NMRK1: variants seen among roughly 807,000 people sequenced by gnomAD.
NMRK1 encodes NRK 1.
A neutral mutation model predicts 29.9 loss-of-function variants in NMRK1; 28 were observed. The observed-to-expected ratio is 0.94, with a 90% confidence interval of 0.69 to 1.28. The LOEUF (loss-of-function observed/expected upper bound fraction) is 1.28, where lower values mean the gene tolerates loss of function less well. Among genes scored for constraint, NMRK1 ranks in the 50% most tolerant of loss-of-function variants. The pLI, the probability that NMRK1 is intolerant of heterozygous loss-of-function variation, is 0.00. For synonymous variants in NMRK1, 58 were observed against 73.0 expected, an observed-to-expected ratio of 0.79 and a Z score of 1.05; for missense variants, 218 against 233.1, an observed-to-expected ratio of 0.94 and a Z score of 0.42.
At chr9:75,067,443 G>T (rs1179325987) in intron 7 of NMRK1, among the ~76,000 whole-genome samples, 1 of 152,158 alleles carries the variant, frequency 6.6e-6, no homozygotes, top group East Asian at 1.9e-4. Context: ...GTTAAAGGAA[G>T]GAAAGGGCCT....
chr9:75,069,406 T>C, intron 6 of NMRK1: 1 of 468,000 alleles, frequency 2.1e-6, no homozygotes, highest in South Asian at 3.0e-5. Flanking sequence ...ACCACTATGT[T>C]GGATTAAGCT....
Position 75,077,515 on chromosome 9 carries a change from AC to A in NMRK1, c.94del (p.Val32SerfsTer14), listed in dbSNP as rs1824067031. ...NLQKHLPNCS[V>X]ISQDDFFKPE... ...CTTGAAGAAATCATCCTGAGATATGACACTGCAATTTGGGAGGTGTTTCTGC... is the reference window on the plus strand; with the variant it reads ...CTTGAAGAAATCATCCTGAGATATGAACTGCAATTTGGGAGGTGTTTCTGC... On this transcript the variant is annotated frameshift_variant, in exon 3 of 9. Coordinates refer to ENST00000361092, the MANE Select transcript of NMRK1 (RefSeq NM_017881.3). LOFTEE classifies it high-confidence loss of function. 1 of 1,611,594 alleles carries A rather than the reference AC, an allele frequency of 6.2e-7. No individual in the cohort carries two copies. The highest frequency in any genetic ancestry group is 8.5e-7 in the Non-Finnish European group (1 of 1,177,834).
chr9:75,069,209 C>G, intron 6 of NMRK1, 107 bp from the exon 7 acceptor site: 1 of 762,188 alleles, frequency 1.3e-6, no homozygotes, highest in Non-Finnish European at 2.3e-6. Flanking sequence ...TGAATCTAAA[C>G]AGGATTAGGA....
chr9:75,083,173 A>G, intron 1 of NMRK1, 23 bp from the exon 2 acceptor site: 3 of 1,239,806 alleles, frequency 2.4e-6, no homozygotes, highest in Non-Finnish European at 3.6e-6. Context: ...AAACAAACAA[A>G]CAAATCAAAT....
At chr9:75,062,863 C>T (rs1043611703) in intron 8 of NMRK1, among the ~76,000 whole-genome samples, 2 of 152,160 alleles carry the variant, frequency 1.3e-5, no homozygotes, top group Non-Finnish European at 2.9e-5. Context: ...AAAACCCCGT[C>T]TTAACTAAAA....
intron 1 of NMRK1, among the ~76,000 whole-genome samples, chr9:75,086,683 C>G (rs1824654140): frequency 1.3e-5 from 2 of 152,188 alleles, no homozygotes; most frequent in South Asian, 2.1e-4. Flanking sequence ...ACGCAGCTCT[C>G]TAACGCAAAT....
chr9:75,087,216 C>G (rs1038322458), intron 1 of NMRK1, among the ~76,000 whole-genome samples: 1 of 152,150 alleles, frequency 6.6e-6, no homozygotes, highest in Non-Finnish European at 1.5e-5. Context: ...AAACGCAATT[C>G]ATGCCCCTCC....
At chr9:75,066,494 A>C (rs1352423915) in intron 8 of NMRK1, among the ~76,000 whole-genome samples, 1 of 152,160 alleles carries the variant, frequency 6.6e-6, no homozygotes, top group Non-Finnish European at 1.5e-5. Context: ...ACAGCCATCT[A>C]CTAAAAGTTT....
intron 1 of NMRK1, among the ~76,000 whole-genome samples, chr9:75,085,702 T>A (rs1231693158): frequency 6.9e-6 from 1 of 145,034 alleles, no homozygotes; most frequent in Non-Finnish European, 1.5e-5. Context: ...ACTTATAAAA[T>A]CTCTCAGATA....
chr9:75,069,344 T>C (rs1415710176), intron 6 of NMRK1: 1 of 513,036 alleles, frequency 1.9e-6, no homozygotes, highest in Non-Finnish European at 3.5e-6. Context: ...TTTTTCCTTC[T>C]AGTGCTTTAT....
chr9:75,064,002 A>G (rs1013761013), intron 8 of NMRK1, among the ~76,000 whole-genome samples: 10 of 152,108 alleles, frequency 6.6e-5, no homozygotes, highest in African/African-American at 2.4e-4. Context: ...GAAGCCTCAA[A>G]TGGCATAGCT....
intron 2 of NMRK1, chr9:75,078,253 A>G (rs1337490123): frequency 1.9e-6 from 3 of 1,544,422 alleles, no homozygotes; most frequent in Non-Finnish European, 2.6e-6. Flanking sequence ...ATAAAACTGC[A>G]TATGGTCACT....
At chr9:75,080,760 T>C (rs939759750) in intron 2 of NMRK1, among the ~76,000 whole-genome samples, 5 of 151,916 alleles carry the variant, frequency 3.3e-5, no homozygotes, top group Non-Finnish European at 7.4e-5. Context: ...AATGAGTGAG[T>C]TTTTGCTCTG....
intron 1 of NMRK1, 60 bp from the exon 2 acceptor site, chr9:75,083,210 TAAAAGA>T (rs1410398476): frequency 3.4e-6 from 3 of 876,340 alleles, no homozygotes; most frequent in Non-Finnish European, 5.6e-6. Flanking sequence ...TCTAGGGAGA[TAAAAGA>T]ATCCTAAATT....
intron 2 of NMRK1, chr9:75,082,748 C>T: frequency 3.5e-6 from 1 of 286,918 alleles, no homozygotes; most frequent in Non-Finnish European, 6.5e-6. Flanking sequence ...TAAGTTTTCT[C>T]CTCCATCGTG....
At chr9:75,077,408 A>C in intron 3 of NMRK1, 82 bp downstream of exon 3, 1 of 1,098,906 alleles carries the variant, frequency 9.1e-7, no homozygotes, top group Non-Finnish European at 1.4e-6. Context: ...CTCTAGCCAA[A>C]GACTTCTTGG....
At chr9:75,070,116 T>C (rs1395780796) in intron 4 of NMRK1, 74 bp from the exon 5 acceptor site, 1 of 1,173,108 alleles carries the variant, frequency 8.5e-7, no homozygotes, top group African/African-American at 1.5e-5. Flanking sequence ...GTGATGAGTA[T>C]ATCCAGGATT....
intron 6 of NMRK1, 34 bp from the exon 7 acceptor site, chr9:75,069,136 G>T: frequency 7.1e-7 from 1 of 1,401,256 alleles, no homozygotes; most frequent in Non-Finnish European, 1.0e-6. Flanking sequence ...TATGTTGACA[G>T]AAACACACAA....
At chr9:75,074,023 C>T (rs975521543) in intron 4 of NMRK1, among the ~76,000 whole-genome samples, 42 of 152,046 alleles carry the variant, frequency 2.8e-4, no homozygotes, top group African/African-American at 9.9e-4. Flanking sequence ...TAGCCTTTTA[C>T]GGCCTATATT....
Sources: allele counts gnomAD v4.1 joint callset (sites outside exome capture counted in the v4.1 genomes callset), GRCh38; gene constraint gnomAD v4.1.1; transcripts MANE v1.5; gene names NCBI Gene and HGNC (gene_info 2026-07-23, HGNC 2026-07-21).